Variants in DENND2B observed in about 807,000 individuals in gnomAD.
DENND2B encodes DENN domain-containing protein 2B.
A neutral mutation model predicts 116.0 loss-of-function variants in DENND2B; 32 were observed. That is an observed-to-expected ratio of 0.28 (90% confidence interval 0.21 to 0.37). DENND2B has a LOEUF of 0.37. Ranked by LOEUF, DENND2B falls within the 10% of genes least tolerant of loss-of-function variation. DENND2B has a pLI of 1.00. For synonymous variants in DENND2B, 588 were observed against 583.9 expected (o/e 1.01, Z -0.10); for missense variants, 1,276 against 1,477.7 (o/e 0.86, Z 2.24).
chr11:8,718,198 G>C (rs1341578345), intron 4 of DENND2B: 1 of 772,722 alleles, frequency 1.3e-6, no homozygotes, highest in Non-Finnish European at 2.2e-6. Flanking sequence ...ACCCCTGCCT[G>C]TGCCCAGCCA....
intron 3 of DENND2B, among the ~76,000 whole-genome samples, chr11:8,727,419 CTG>C (rs893587988): frequency 3.3e-5 from 5 of 152,214 alleles, no homozygotes; most frequent in African/African-American, 1.2e-4. Flanking sequence ...CCGTGTGCCT[CTG>C]TGACACATTC....
intron 1 of DENND2B, among the ~76,000 whole-genome samples, chr11:8,792,480 A>C (rs930308317): frequency 1.3e-5 from 2 of 152,226 alleles, no homozygotes; most frequent in African/African-American, 2.4e-5. Context: ...AATTAGCATA[A>C]ACAAAGTCAA....
intron 9 of DENND2B, chr11:8,711,904 C>A: frequency 2.3e-6 from 1 of 441,354 alleles, no homozygotes; most frequent in Non-Finnish European, 4.6e-6. Context: ...GGTTATGTAC[C>A]AGAGCAAGCT....
chr11:8,789,299 C>T (rs1233779794), intron 1 of DENND2B, among the ~76,000 whole-genome samples: 2 of 152,194 alleles, frequency 1.3e-5, no homozygotes, highest in African/African-American at 4.8e-5. Context: ...CAGTAGTCAT[C>T]TATTCTCTCT....
chr11:8,776,131 GAC>G (rs1261787583), intron 1 of DENND2B: 13 of 245,174 alleles, frequency 5.3e-5, no homozygotes, highest in Non-Finnish European at 5.3e-5. Flanking sequence ...CATGCACACA[GAC>G]ACGCACGTGC....
chr11:8,815,738 C>T (rs926582970), intron 4 of DENND2B, among the ~76,000 whole-genome samples: 7 of 152,242 alleles, frequency 4.6e-5, no homozygotes, highest in Non-Finnish European at 8.8e-5. Flanking sequence ...CACTTTATCA[C>T]TGTTACTTGC....
chr11:8,713,051 G>A (rs954201408), intron 8 of DENND2B, among the ~76,000 whole-genome samples: 5 of 152,142 alleles, frequency 3.3e-5, no homozygotes, highest in African/African-American at 4.8e-5. Context: ...GTACCAAAAG[G>A]ACTAGAATAC....
intron 1 of DENND2B, among the ~76,000 whole-genome samples, chr11:8,786,631 A>G (rs1027698594): frequency 1.3e-5 from 2 of 152,166 alleles, no homozygotes; most frequent in African/African-American, 4.8e-5. Flanking sequence ...GCAACATGGC[A>G]AGAACCCATC....
intron 2 of DENND2B, among the ~76,000 whole-genome samples, chr11:8,732,259 A>G (rs1460368291): frequency 6.6e-6 from 1 of 152,252 alleles, no homozygotes; most frequent in Non-Finnish European, 1.5e-5. Flanking sequence ...ATGTTTTTAC[A>G]TATGTTAACT....
intron 17 of DENND2B, 111 bp downstream of exon 17, chr11:8,697,414 T>C: frequency 1.3e-6 from 1 of 782,466 alleles, no homozygotes; most frequent in Non-Finnish European, 2.1e-6. Flanking sequence ...AAGGTCCTCA[T>C]CAGCCAGAAA....
intron 4 of DENND2B, among the ~76,000 whole-genome samples, chr11:8,818,722 C>G (rs2061662460): frequency 6.6e-6 from 1 of 152,184 alleles, no homozygotes; most frequent in South Asian, 2.1e-4. Flanking sequence ...AGAGAAAGAA[C>G]TATGTCTTAA....
intron 2 of DENND2B, among the ~76,000 whole-genome samples, chr11:8,858,600 G>C (rs1026627732): frequency 6.6e-6 from 1 of 152,148 alleles, no homozygotes; most frequent in African/African-American, 2.4e-5. Flanking sequence ...ACAAGAACTT[G>C]GTAGTAAATG....
chr11:8,693,859 G>T lies in DENND2B; in HGVS notation c.*237C>A. The stretch of plus-strand genomic sequence containing the variant: ...GACAGGAAAGCACCCGGCCCCTTGG[G>T]AATATACAAATATTTGCCATATTCT... On this transcript the variant is annotated 3_prime_UTR_variant, in exon 20 of 20. Coordinates refer to ENST00000313726, the MANE Select transcript of DENND2B (RefSeq NM_213618.2). 1 of 463,410 alleles carries T rather than the reference G, an allele frequency of 2.2e-6. No homozygotes were observed. Among genetic ancestry groups the T allele is most frequent in the Non-Finnish European group, 3.8e-6 (1 of 261,744 alleles). The allele number at this position is 463,410 out of a possible 1,614,324, so 28.7% of individuals were successfully genotyped here.
intron 1 of DENND2B, among the ~76,000 whole-genome samples, chr11:8,754,329 T>C (rs546668702): frequency 2.2e-4 from 34 of 152,318 alleles, no homozygotes; most frequent in African/African-American, 7.5e-4. Flanking sequence ...ATGCTCAATA[T>C]CATTAGTCAT....
At chr11:8,855,416 T>C (rs1258351985) in intron 3 of DENND2B, among the ~76,000 whole-genome samples, 1 of 150,664 alleles carries the variant, frequency 6.6e-6, no homozygotes, top group Non-Finnish European at 1.5e-5. Context: ...AAATTTAGCC[T>C]GATGGATCAT....
intron 2 of DENND2B, among the ~76,000 whole-genome samples, chr11:8,863,205 A>G (rs1447906653): frequency 6.6e-6 from 1 of 151,540 alleles, no homozygotes; most frequent in East Asian, 1.9e-4. Context: ...GCCCTCTGAA[A>G]CAAGATATAA....
chr11:8,771,566 A>AGAGAGAGAGAGAGAGAGAGAGAGAGCGC (rs146752028), intron 1 of DENND2B: 3 of 120,310 alleles, frequency 2.5e-5, no homozygotes, highest in Non-Finnish European at 3.6e-5. Flanking sequence ...AGAGAGAGAG[A>AGAGAGAGAGAGAGAGAGAGAGAGAGCGC]GCCTTCTTCC....
At chr11:8,898,345 A>G (rs537935647) in intron 1 of DENND2B, among the ~76,000 whole-genome samples, 1 of 152,332 alleles carries the variant, frequency 6.6e-6, no homozygotes, top group African/African-American at 2.4e-5. Context: ...TGCACAACAT[A>G]GTGAGACCCC....
intron 15 of DENND2B, 32 bp from the exon 16 acceptor site, chr11:8,699,006 A>T: frequency 6.2e-7 from 1 of 1,613,276 alleles, no homozygotes; most frequent in Non-Finnish European, 8.5e-7. Flanking sequence ...AGAGTGGCTC[A>T]GGGCATGAGT....
Sources: allele counts gnomAD v4.1 joint callset (sites outside exome capture counted in the v4.1 genomes callset), GRCh38; gene constraint gnomAD v4.1.1; transcripts MANE v1.5; gene names NCBI Gene and HGNC (gene_info 2026-07-23, HGNC 2026-07-21).